Variants in SPATA6 observed in about 807,000 individuals in gnomAD.
The protein encoded by SPATA6 is spermatogenesis associated 6.
Under a neutral mutation model 65.3 loss-of-function variants are expected in SPATA6, and 56 were observed. The ratio of observed to expected loss-of-function variants is 0.86; its 90% CI spans 0.69 to 1.07. The LOEUF (loss-of-function observed/expected upper bound fraction) is 1.07. SPATA6 is among the 50% of genes least tolerant of loss of function. SPATA6 has a pLI of 0.00. For missense variants in SPATA6, 590 were observed against 594.8 expected (o/e 0.99, Z 0.08); for synonymous variants, 199 against 213.2 (o/e 0.93, Z 0.58).
Position 48,305,788 on chromosome 1 carries a change from T to A in SPATA6, c.1285A>T (p.Ser429Cys). ...DSAYDSDPEY[S>C]SCQQPRGTFH... ...GATATACATATATTTCATTCATACC[T>A]ATACTCGGGGTCACTGTCATAGGCA... is the stretch of plus-strand genomic sequence containing the variant. The change falls in exon 12 of 13, where the codon AGC (serine) becomes TGC (cysteine). Residue 429 changes from serine to cysteine, a missense_variant and splice_region_variant. Ser to Cys is a moderately radical substitution (Grantham distance 112, BLOSUM62 -1). Coordinates refer to ENST00000371847, the MANE Select transcript of SPATA6 (RefSeq NM_019073.4). 6.2e-7 allele frequency: 1 copy of A among 1,606,932 alleles called. No individual in the cohort carries two copies. The highest frequency in any genetic ancestry group is 8.5e-7 in the Non-Finnish European group (1 of 1,175,302).
chr1:48,415,661 C>T (rs1235793926), intron 3 of SPATA6, among the ~76,000 whole-genome samples: 3 of 143,340 alleles, frequency 2.1e-5, no homozygotes, highest in African/African-American at 7.8e-5. Flanking sequence ...AAAACCACAA[C>T]AGAATATTCA....
At chr1:48,428,809 G>GTGTGTGTGTGTGTGTA (rs144421737) in intron 3 of SPATA6, among the ~76,000 whole-genome samples, 30 of 137,660 alleles carry the variant, frequency 2.2e-4, no homozygotes, top group Admixed American at 5.2e-4. Context: ...GTGTGTGTGT[G>GTGTGTGTGTGTGTGTA]TATATGTATA....
Position 48,296,225 on chromosome 1 carries a change from A to G in SPATA6, c.*2488T>C, listed in dbSNP as rs886196218. On this transcript the variant is annotated 3_prime_UTR_variant, in exon 13 of 13. Transcript: ENST00000371847. ...CTCCTGTGAATGAGAAAAGACAACT[A>G]TTAGTACTTAAAGGTTTTACTCTTT... 2.0e-5 allele frequency: 3 copies of G among 152,138 alleles called. No individual in the cohort carries two copies. Among genetic ancestry groups the G allele is most frequent in the Non-Finnish European group, 4.4e-5 (3 of 68,014 alleles). 9.4% of individuals were successfully genotyped at this position (152,138 alleles called of 1,614,324 possible).
intron 1 of SPATA6, among the ~76,000 whole-genome samples, chr1:48,464,168 G>A (rs957567942): frequency 1.6e-4 from 24 of 151,798 alleles, no homozygotes; most frequent in African/African-American, 5.8e-4. Context: ...CATTATCAGC[G>A]ATTTCATAGG....
chr1:48,387,282 G>T (rs1163600786), intron 8 of SPATA6, among the ~76,000 whole-genome samples: 1 of 152,144 alleles, frequency 6.6e-6, no homozygotes, highest in Non-Finnish European at 1.5e-5. Context: ...AGATTTGGGT[G>T]GGGGCACAGC....
At chr1:48,368,952 T>G (rs567980918) in intron 9 of SPATA6, among the ~76,000 whole-genome samples, 149 of 152,280 alleles carry the variant, frequency 9.8e-4, no homozygotes, top group African/African-American at 3.5e-3. Flanking sequence ...TTGATGATGG[T>G]GATGTACAGA....
At chr1:48,437,011 T>C in intron 3 of SPATA6, 4 of 1,609,018 alleles carry the variant, frequency 2.5e-6, no homozygotes, top group Non-Finnish European at 3.4e-6. Flanking sequence ...GGTACAGCTC[T>C]GTTTGCAACA....
chr1:48,418,690 C>T (rs1227551240), intron 3 of SPATA6, among the ~76,000 whole-genome samples: 1 of 150,910 alleles, frequency 6.6e-6, no homozygotes, highest in Non-Finnish European at 1.5e-5. Flanking sequence ...CCACCGCACT[C>T]CAGCCTGGGC....
intron 11 of SPATA6, among the ~76,000 whole-genome samples, chr1:48,329,385 T>G (rs1274796897): frequency 6.6e-6 from 1 of 152,058 alleles, no homozygotes; most frequent in Non-Finnish European, 1.5e-5. Flanking sequence ...AAGTAGAACA[T>G]AAAACTTTCA....
At chr1:48,382,592 C>A (rs1648813521) in intron 9 of SPATA6, among the ~76,000 whole-genome samples, 1 of 124,730 alleles carries the variant, frequency 8.0e-6, no homozygotes, top group Non-Finnish European at 1.8e-5. Flanking sequence ...GGGGGGCTGA[C>A]CCCCCCCACC....
At chr1:48,366,836 AGCTTTTGAATGTGTTT>A (rs1647033996) in intron 9 of SPATA6, among the ~76,000 whole-genome samples, 1 of 152,102 alleles carries the variant, frequency 6.6e-6, no homozygotes, top group South Asian at 2.1e-4. Flanking sequence ...GCCTTCTGCT[AGCTTTTGAATGTGTTT>A]GCTCTTGCTT....
intron 11 of SPATA6, among the ~76,000 whole-genome samples, chr1:48,352,903 CAAAA>C (rs35929341): frequency 3.8e-5 from 5 of 133,332 alleles, no homozygotes; most frequent in East Asian, 2.2e-4. Flanking sequence ...CTTTTAAATA[CAAAA>C]AAAAAAAAAA....
chr1:48,273,113 G>A, the SPATA6 span, among the ~76,000 whole-genome samples: 1 of 152,004 alleles, frequency 6.6e-6, no homozygotes, highest in South Asian at 2.1e-4. Context: ...CTTTTGAGTT[G>A]GGTGTAGCCT....
chr1:48,453,769 G>T (rs1041430223), intron 1 of SPATA6, among the ~76,000 whole-genome samples: 1 of 151,914 alleles, frequency 6.6e-6, no homozygotes, highest in Non-Finnish European at 1.5e-5. Context: ...TGTTTACCAT[G>T]TGTCCTCAGT....
intron 10 of SPATA6, among the ~76,000 whole-genome samples, chr1:48,359,182 G>A (rs953320536): frequency 2.0e-5 from 3 of 152,084 alleles, no homozygotes; most frequent in African/African-American, 7.2e-5. Context: ...GGTTGTTTGA[G>A]AAAACTAGAT....
At chr1:48,320,114 C>G (rs1439931111) in intron 11 of SPATA6, among the ~76,000 whole-genome samples, 1 of 151,990 alleles carries the variant, frequency 6.6e-6, no homozygotes, top group Non-Finnish European at 1.5e-5. Context: ...ACCACCATTG[C>G]TCAAATAGTC....
chr1:48,379,506 G>A (rs572538994), intron 9 of SPATA6, among the ~76,000 whole-genome samples: 1 of 152,144 alleles, frequency 6.6e-6, no homozygotes, highest in African/African-American at 2.4e-5. Flanking sequence ...GTTGGTCAAA[G>A]GGTACAAAGT....
chr1:48,465,705 G>A (rs774746524), intron 1 of SPATA6, among the ~76,000 whole-genome samples: 16 of 152,010 alleles, frequency 1.1e-4, no homozygotes, highest in African/African-American at 2.9e-4. Context: ...AGTTTCAAAC[G>A]TGAGATGATA....
intron 9 of SPATA6, among the ~76,000 whole-genome samples, chr1:48,366,444 G>A (rs1647015472): frequency 6.6e-6 from 1 of 152,102 alleles, no homozygotes. Context: ...TCTTTGGTTG[G>A]TAAGCTATTG....
Sources: allele counts gnomAD v4.1 joint callset (sites outside exome capture counted in the v4.1 genomes callset), GRCh38; gene constraint gnomAD v4.1.1; transcripts MANE v1.5; gene names NCBI Gene and HGNC (gene_info 2026-07-23, HGNC 2026-07-21).